The following RAI14 variants were observed in gnomAD, a reference collection of about 807,000 sequenced individuals.
RAI14 encodes ankycorbin.
In RAI14, 45 loss-of-function variants were observed where a neutral mutation model predicts 115.4. The observed-to-expected ratio is 0.39, with a 90% CI of 0.31 to 0.50. RAI14 has a LOEUF of 0.50. Ranked by LOEUF, RAI14 falls within the 20% of genes least tolerant of loss-of-function variation. The probability of loss-of-function intolerance (pLI) is 0.85; values close to 1 mark genes in which losing one functional copy is unlikely to be tolerated. For missense variants in RAI14, 939 were observed against 1,131.2 expected (o/e 0.83, Z 2.44); for synonymous variants, 371 against 415.4 (o/e 0.89, Z 1.30).
intron 1 of RAI14, among the ~76,000 whole-genome samples, chr5:34,665,496 T>C (rs1280171209): frequency 6.7e-6 from 1 of 149,698 alleles, no homozygotes; most frequent in East Asian, 1.9e-4. Flanking sequence ...TTTTTTTCTT[T>C]TTTTTTTTTT....
At chr5:34,734,113 C>A (rs1284071554) in intron 2 of RAI14, among the ~76,000 whole-genome samples, 1 of 152,234 alleles carries the variant, frequency 6.6e-6, no homozygotes, top group Non-Finnish European at 1.5e-5. Context: ...AAATCAGCAA[C>A]CTACTGCCTT....
chr5:34,707,589 G>C (rs140233321), intron 2 of RAI14, among the ~76,000 whole-genome samples: 3 of 152,186 alleles, frequency 2.0e-5, no homozygotes, highest in African/African-American at 4.8e-5. Context: ...TTCTGTAAGA[G>C]AGTACAAAAG....
chr5:34,674,928 C>T (rs552273064), intron 1 of RAI14, among the ~76,000 whole-genome samples: 8 of 146,918 alleles, frequency 5.4e-5, no homozygotes, highest in Non-Finnish European at 1.2e-4. Flanking sequence ...GACTGAGTCT[C>T]GCTTTGTCAC....
intron 3 of RAI14, among the ~76,000 whole-genome samples, chr5:34,769,784 G>T (rs550061835): frequency 2.6e-4 from 40 of 152,276 alleles, no homozygotes; most frequent in South Asian, 1.7e-3. Context: ...GGAGTGCAGT[G>T]GTGTGATCTC....
chr5:34,782,092 G>T (rs921119814), intron 3 of RAI14, among the ~76,000 whole-genome samples: 17 of 152,310 alleles, frequency 1.1e-4, no homozygotes, highest in African/African-American at 4.1e-4. Context: ...ATGCCTTTAA[G>T]CGGTTTTCCA....
chr5:34,660,084 G>C (rs1742576680), intron 1 of RAI14, among the ~76,000 whole-genome samples: 1 of 152,080 alleles, frequency 6.6e-6, no homozygotes, highest in African/African-American at 2.4e-5. Flanking sequence ...GCTGAGGTGG[G>C]AGGATTGCTT....
At chr5:34,776,513 T>A (rs956522671) in intron 3 of RAI14, among the ~76,000 whole-genome samples, 1 of 152,058 alleles carries the variant, frequency 6.6e-6, no homozygotes, top group Non-Finnish European at 1.5e-5. Flanking sequence ...ATACCTATAT[T>A]AAAATATCTT....
At chr5:34,683,587 G>C (rs1744547754) in intron 1 of RAI14, among the ~76,000 whole-genome samples, 1 of 152,172 alleles carries the variant, frequency 6.6e-6, no homozygotes, top group Non-Finnish European at 1.5e-5. Context: ...GAGTGGCTCT[G>C]CTGTGGGGAA....
chr5:34,824,808 G>C (rs942654818), intron 15 of RAI14, among the ~76,000 whole-genome samples: 2 of 152,062 alleles, frequency 1.3e-5, no homozygotes, highest in African/African-American at 4.8e-5. Context: ...GCTGGGCGTG[G>C]TGGCACACGC....
rs539973928 is a variant in RAI14 at position 34,686,966 on chromosome 5, G to A, written c.36+11G>A. On this transcript the variant is annotated intron_variant, in intron 2 of 17. Coordinates refer to ENST00000265109, the MANE Select transcript of RAI14 (RefSeq NM_015577.3). ...TTCAGGAAGAGTGACGTGAGTATGC[G>A]GTGACTCACAGTCTGGCTGTTCCTT... 12 of 1,613,314 alleles carry A rather than the reference G, an allele frequency of 7.4e-6. No homozygotes were observed. The Admixed American group carries it at 8.3e-5, about 11-fold the overall frequency.
At chr5:34,774,914 A>G (rs929148255) in intron 3 of RAI14, among the ~76,000 whole-genome samples, 2 of 152,194 alleles carry the variant, frequency 1.3e-5, no homozygotes, top group African/African-American at 4.8e-5. Flanking sequence ...TGGCATGAAA[A>G]CAGATACACA....
chr5:34,696,428 G>A (rs1265248047), intron 2 of RAI14, among the ~76,000 whole-genome samples: 3 of 151,990 alleles, frequency 2.0e-5, no homozygotes, highest in Non-Finnish European at 4.4e-5. Flanking sequence ...GAGCCACCAC[G>A]CCCGGCCGCA....
intron 7 of RAI14, 49 bp downstream of exon 7, chr5:34,808,703 A>G: frequency 6.5e-7 from 1 of 1,537,192 alleles, no homozygotes; most frequent in Non-Finnish European, 9.0e-7. Flanking sequence ...TGGTTTCTAG[A>G]GCTCAATGGG....
chr5:34,820,626 A>G lies in RAI14; in HGVS notation c.995-1106A>G, dbSNP rs1174165809. Reference sequence around the variant, plus strand: ...GACTCCATCTCAAAAAGTAATAATAATATTAAGTTTGGACCAGAAATTCAC... The same window carrying G: ...GACTCCATCTCAAAAAGTAATAATAGTATTAAGTTTGGACCAGAAATTCAC... On this transcript the variant is annotated intron_variant, in intron 13 of 17. Coordinates refer to ENST00000265109, the MANE Select transcript of RAI14 (RefSeq NM_015577.3). 2.0e-5 allele frequency among the ~76,000 whole-genome samples: 3 copies of G among 152,114 alleles called. No individual in the cohort carries two copies. The South Asian group carries it at 6.2e-4, about 32-fold the overall frequency.
intron 1 of RAI14, among the ~76,000 whole-genome samples, chr5:34,660,324 C>T (rs896800712): frequency 1.3e-5 from 2 of 152,062 alleles, no homozygotes; most frequent in Non-Finnish European, 2.9e-5. Flanking sequence ...CCCAGCTACT[C>T]GGGAGGCTAA....
intron 2 of RAI14, among the ~76,000 whole-genome samples, chr5:34,745,573 T>C (rs1411985727): frequency 3.3e-5 from 5 of 152,188 alleles, no homozygotes; most frequent in Non-Finnish European, 5.9e-5. Context: ...TCACTGCCAC[T>C]TCTCACCCTT....
At chr5:34,787,385 C>T (rs1361226693) in intron 3 of RAI14, among the ~76,000 whole-genome samples, 1 of 152,176 alleles carries the variant, frequency 6.6e-6, no homozygotes, top group Non-Finnish European at 1.5e-5. Flanking sequence ...CAAAATGCAG[C>T]ATATCCATAC....
Position 34,771,717 on chromosome 5 carries a change from C to A in RAI14, c.167+14119C>A, listed in dbSNP as rs139736602. Among the ~76,000 whole-genome samples, 898 of 152,240 alleles carry A rather than the reference C, an allele frequency of 5.9e-3. 4 individuals are homozygous for A. The highest frequency in any genetic ancestry group is 0.034 in the Middle Eastern group (10 of 294). On this transcript the variant is annotated intron_variant, in intron 3 of 17. Coordinates refer to ENST00000265109, the MANE Select transcript of RAI14 (RefSeq NM_015577.3). ...TTGGTAGGAAATGAAACCTCTCTTG[C>A]AGGCTCTGTTTGCTTCTGTGCTTGG...
intron 1 of RAI14, among the ~76,000 whole-genome samples, chr5:34,680,097 A>C (rs1744279027): frequency 6.6e-6 from 1 of 152,202 alleles, no homozygotes; most frequent in African/African-American, 2.4e-5. Flanking sequence ...AAATTTTCAA[A>C]TCGGCTTAAA....
Sources: allele counts gnomAD v4.1 joint callset (sites outside exome capture counted in the v4.1 genomes callset), GRCh38; gene constraint gnomAD v4.1.1; transcripts MANE v1.5; gene names NCBI Gene and HGNC (gene_info 2026-07-23, HGNC 2026-07-21).